The following ROR1 variants were observed in gnomAD, a reference collection of about 807,000 sequenced individuals.
ROR1 encodes the protein inactive tyrosine-protein kinase transmembrane receptor ROR1.
A neutral mutation model predicts 78.8 loss-of-function variants in ROR1; 19 were observed. The observed-to-expected ratio is 0.24, with a 90% confidence interval of 0.17 to 0.35. The LOEUF is 0.35. Among genes scored for constraint, ROR1 ranks in the 10% least tolerant of loss-of-function variants. The pLI is 1.00. For synonymous variants in ROR1, 386 were observed against 433.6 expected, an observed-to-expected ratio of 0.89 and a Z score of 1.36; for missense variants, 917 against 1,177.8, an observed-to-expected ratio of 0.78 and a Z score of 3.24.
intron 4 of ROR1, among the ~76,000 whole-genome samples, chr1:64,060,733 A>G (rs972853934): frequency 2.6e-5 from 4 of 152,234 alleles, no homozygotes; most frequent in South Asian, 4.2e-4. Context: ...TCATCAAACC[A>G]TCCTAGACTC....
At chr1:63,849,439 T>G (rs1645100539) in intron 1 of ROR1, among the ~76,000 whole-genome samples, 1 of 152,182 alleles carries the variant, frequency 6.6e-6, no homozygotes, top group Non-Finnish European at 1.5e-5. Context: ...GGCTAACACC[T>G]GTAATCCCAG....
intron 1 of ROR1, among the ~76,000 whole-genome samples, chr1:63,781,508 G>A (rs1218305006): frequency 6.6e-6 from 1 of 152,172 alleles, no homozygotes; most frequent in Non-Finnish European, 1.5e-5. Context: ...AGACACCAAT[G>A]AGCAGATGTG....
intron 2 of ROR1, among the ~76,000 whole-genome samples, chr1:64,043,238 G>A (rs1646758778): frequency 2.0e-5 from 3 of 152,246 alleles, no homozygotes; most frequent in African/African-American, 4.8e-5. Flanking sequence ...ATTTGTGGAT[G>A]TGACATCTTG....
chr1:64,057,782 A>G (rs1646886833), intron 4 of ROR1, among the ~76,000 whole-genome samples: 1 of 152,070 alleles, frequency 6.6e-6, no homozygotes, highest in African/African-American at 2.4e-5. Context: ...CTCTTTCTAT[A>G]TTGTTCTTTT....
At chr1:64,101,126 C>T (rs1387444801) in intron 4 of ROR1, among the ~76,000 whole-genome samples, 2 of 152,132 alleles carry the variant, frequency 1.3e-5, no homozygotes, top group East Asian at 1.9e-4. Flanking sequence ...TTACTTTTAC[C>T]TTCTACAATG....
chr1:63,848,828 A>T (rs927510285), intron 1 of ROR1, among the ~76,000 whole-genome samples: 1 of 152,202 alleles, frequency 6.6e-6, no homozygotes, highest in African/African-American at 2.4e-5. Context: ...TTTTGTCCCC[A>T]AAGGGACAAA....
chr1:64,124,914 A>C (rs1336805370), intron 4 of ROR1, among the ~76,000 whole-genome samples: 2 of 152,246 alleles, frequency 1.3e-5, no homozygotes, highest in African/African-American at 4.8e-5. Flanking sequence ...AGAAAGCTCC[A>C]AATACTATTT....
At chr1:63,884,670 C>T (rs1309617580) in intron 1 of ROR1, among the ~76,000 whole-genome samples, 1 of 151,992 alleles carries the variant, frequency 6.6e-6, no homozygotes, top group Non-Finnish European at 1.5e-5. Flanking sequence ...TGAACTGTGA[C>T]AGAGATGAAT....
intron 7 of ROR1, among the ~76,000 whole-genome samples, chr1:64,145,107 C>T (rs569802339): frequency 1.6e-4 from 24 of 152,172 alleles, no homozygotes; most frequent in African/African-American, 3.6e-4. Flanking sequence ...TAAATCGATT[C>T]GAATTATCAC....
At chr1:64,065,204 A>G (rs1373981652) in intron 4 of ROR1, among the ~76,000 whole-genome samples, 4 of 152,206 alleles carry the variant, frequency 2.6e-5, no homozygotes, top group Non-Finnish European at 5.9e-5. Flanking sequence ...ACAAAAACTA[A>G]TAGACTATTA....
Position 64,179,730 on chromosome 1 carries a change from CA to C in ROR1, c.*876del, listed in dbSNP as rs1342208064. On this transcript the variant is annotated 3_prime_UTR_variant, in exon 9 of 9. Coordinates refer to ENST00000371079, the MANE Select transcript of ROR1 (RefSeq NM_005012.4). The stretch of plus-strand genomic sequence containing the variant: ...AAAGGAAAAAGGGTTCCCATGGGGA[CA>C]GCCCCCATAGGAGTTTTCTGGAACC... The C allele has an allele frequency of 3.3e-5, 5 of 152,130 alleles. No individual in the cohort carries two copies. Among genetic ancestry groups the C allele is most frequent in the Non-Finnish European group, 5.9e-5 (4 of 68,036 alleles). 9.4% of individuals were successfully genotyped at this position (152,130 alleles called of 1,614,324 possible). A position where few individuals can be genotyped will look rare whatever the true frequency, so the allele number is the denominator to read the frequency against.
chr1:64,132,910 C>T (rs12092062), intron 4 of ROR1, among the ~76,000 whole-genome samples: 3,486 of 152,022 alleles, frequency 0.023, 147 homozygotes, highest in African/African-American at 0.08. Context: ...GGAAGAAAAT[C>T]GCTTCCAATT....
intron 4 of ROR1, among the ~76,000 whole-genome samples, chr1:64,131,881 A>G (rs548889730): frequency 1.5e-4 from 23 of 152,268 alleles, no homozygotes; most frequent in Admixed American, 1.4e-3. Flanking sequence ...TTGATCTCCT[A>G]AAGTGCGGGG....
At chr1:64,078,047 A>C (rs1647067153) in intron 4 of ROR1, among the ~76,000 whole-genome samples, 1 of 152,208 alleles carries the variant, frequency 6.6e-6, no homozygotes, top group South Asian at 2.1e-4. Context: ...TCTGGACACT[A>C]TAACAAAAAC....
rs115389338 is a variant in ROR1 at position 63,895,101 on chromosome 1, C to T, written c.92-114204C>T. ...GTTTTATGTAAGTATGTGATTTGAT[C>T]AGGGCTTAGAAAAGTTTATCAAGCT... On this transcript the variant is annotated intron_variant, in intron 1 of 8. Coordinates refer to ENST00000371079, the MANE Select transcript of ROR1 (RefSeq NM_005012.4). Among the ~76,000 whole-genome samples, 413 of 152,258 alleles carry T rather than the reference C, an allele frequency of 2.7e-3. 1 individual carries two copies. Among genetic ancestry groups the T allele is most frequent in the Non-Finnish European group, 3.1e-3 (210 of 68,014 alleles).
At position 63,947,796 on chromosome 1, in the gene ROR1, C is replaced by G. The variant is rs567150439; in HGVS notation, c.92-61509C>G. 2.6e-5 allele frequency among the ~76,000 whole-genome samples: 4 copies of G among 152,264 alleles called. No homozygotes were observed. In the East Asian group the frequency reaches 7.7e-4, roughly 29 times the overall value. ...CCAGTTGGGTCTTGAACCCTTGGCCCTCCTGATACCTGATACCAATGAAGC... is the reference window on the plus strand; with the variant it reads ...CCAGTTGGGTCTTGAACCCTTGGCCGTCCTGATACCTGATACCAATGAAGC... On this transcript the variant is annotated intron_variant, in intron 1 of 8. Transcript: ENST00000371079.
intron 4 of ROR1, among the ~76,000 whole-genome samples, chr1:64,089,119 G>A (rs1047463462): frequency 4.6e-5 from 7 of 152,036 alleles, no homozygotes; most frequent in African/African-American, 1.7e-4. Flanking sequence ...ATACAAAATT[G>A]TAATGTGTTT....
At chr1:63,850,502 T>A (rs1041232440) in intron 1 of ROR1, among the ~76,000 whole-genome samples, 2 of 152,264 alleles carry the variant, frequency 1.3e-5, no homozygotes, top group Non-Finnish European at 1.5e-5. Context: ...TTCCCGTTGC[T>A]CTTTACCCTT....
At chr1:63,862,914 A>G (rs144187735) in intron 1 of ROR1, among the ~76,000 whole-genome samples, 23 of 152,382 alleles carry the variant, frequency 1.5e-4, no homozygotes, top group African/African-American at 5.3e-4. Flanking sequence ...GTGACATACA[A>G]TGAATTATAA....
Sources: allele counts gnomAD v4.1 joint callset (sites outside exome capture counted in the v4.1 genomes callset), GRCh38; gene constraint gnomAD v4.1.1; transcripts MANE v1.5; gene names NCBI Gene and HGNC (gene_info 2026-07-23, HGNC 2026-07-21).